ST3GAL3: variants seen among roughly 807,000 people sequenced by gnomAD.
ST3GAL3 encodes the protein ST3 beta-galactoside alpha-2,3-sialyltransferase 3.
In ST3GAL3, 21 loss-of-function variants were observed where a neutral mutation model predicts 50.1. The ratio of observed to expected loss-of-function variants is 0.42; its 90% confidence interval spans 0.30 to 0.60. The LOEUF is 0.60. Ranked by LOEUF, ST3GAL3 falls within the 20% of genes least tolerant of loss-of-function variation. ST3GAL3 has a pLI of 0.19. For synonymous variants in ST3GAL3, 183 were observed against 190.0 expected (o/e 0.96, Z 0.30); for missense variants, 353 against 489.4 (o/e 0.72, Z 2.63).
At chr1:43,788,407 C>G (rs1441837032) in intron 2 of ST3GAL3, among the ~76,000 whole-genome samples, 1 of 152,206 alleles carries the variant, frequency 6.6e-6, no homozygotes, top group Non-Finnish European at 1.5e-5. Flanking sequence ...CATTCCCAAT[C>G]TTCTTCAGGG....
At chr1:43,904,498 C>T (rs558522786) in intron 9 of ST3GAL3, among the ~76,000 whole-genome samples, 46 of 152,104 alleles carry the variant, frequency 3.0e-4, no homozygotes, top group African/African-American at 1.1e-3. Flanking sequence ...TGCCTCTTAT[C>T]CCTGGGAGGG....
intron 1 of ST3GAL3, among the ~76,000 whole-genome samples, chr1:43,713,171 T>C (rs1308021955): frequency 6.6e-6 from 1 of 152,188 alleles, no homozygotes; most frequent in East Asian, 1.9e-4. Context: ...GTGCAACATG[T>C]GAGCGGCATG....
intron 2 of ST3GAL3, 52 bp from the exon 3 acceptor site, chr1:43,792,050 C>A: frequency 6.2e-7 from 1 of 1,612,346 alleles, no homozygotes; most frequent in East Asian, 2.2e-5. Context: ...TGGGAGCTTG[C>A]TTTTTTATTA....
chr1:43,776,949 G>C (rs1247723796), intron 2 of ST3GAL3, among the ~76,000 whole-genome samples: 2 of 152,034 alleles, frequency 1.3e-5, no homozygotes, highest in Admixed American at 6.6e-5. Context: ...GAATGGTATG[G>C]TACCATGCTC....
intron 1 of ST3GAL3, among the ~76,000 whole-genome samples, chr1:43,723,108 C>A (rs1409427670): frequency 6.6e-6 from 1 of 151,434 alleles, no homozygotes; most frequent in East Asian, 1.9e-4. Flanking sequence ...TCTCTCTCTT[C>A]CCTCCTTTTT....
chr1:43,838,388 G>A (rs962034819), intron 5 of ST3GAL3, 77 bp downstream of exon 5: 2 of 1,313,568 alleles, frequency 1.5e-6, no homozygotes, highest in Non-Finnish European at 2.2e-6. Context: ...GCCTCTCACA[G>A]CCAGTCATGT....
chr1:43,811,243 T>A (rs1445320896), intron 3 of ST3GAL3, among the ~76,000 whole-genome samples: 1 of 152,186 alleles, frequency 6.6e-6, no homozygotes, highest in Non-Finnish European at 1.5e-5. Flanking sequence ...ATGCCCTGCC[T>A]GTCTTTCCTC....
chr1:43,731,417 C>G (rs1386151973), intron 1 of ST3GAL3, among the ~76,000 whole-genome samples: 1 of 134,306 alleles, frequency 7.4e-6, no homozygotes, highest in Non-Finnish European at 1.6e-5. Flanking sequence ...TGGAGTCTTG[C>G]TCTGTCACTC....
chr1:43,921,359 T>C (rs1444446541), intron 11 of ST3GAL3: 3 of 457,418 alleles, frequency 6.6e-6, no homozygotes, highest in African/African-American at 3.9e-5. Context: ...ATACCCCGAA[T>C]TGCTTCCCAA....
At chr1:43,832,976 TG>T (rs2063746448) in intron 4 of ST3GAL3, among the ~76,000 whole-genome samples, 1 of 152,220 alleles carries the variant, frequency 6.6e-6, no homozygotes, top group African/African-American at 2.4e-5. Context: ...GCTGCTGGGT[TG>T]TTAGGCAGTG....
intron 2 of ST3GAL3, among the ~76,000 whole-genome samples, chr1:43,782,947 G>T (rs1699835792): frequency 6.6e-6 from 1 of 152,088 alleles, no homozygotes; most frequent in African/African-American, 2.4e-5. Flanking sequence ...TTAATTACAG[G>T]ATGCTGCCCC....
intron 2 of ST3GAL3, among the ~76,000 whole-genome samples, chr1:43,758,510 C>T (rs1449180004): frequency 2.6e-5 from 4 of 152,060 alleles, no homozygotes; most frequent in Non-Finnish European, 5.9e-5. Flanking sequence ...TCCTTGCCTC[C>T]CAAAGTGTTG....
chr1:43,732,978 T>A (rs1213664882), intron 1 of ST3GAL3, among the ~76,000 whole-genome samples: 1 of 118,356 alleles, frequency 8.4e-6, no homozygotes, highest in Non-Finnish European at 1.8e-5. Flanking sequence ...TCATAAAAAA[T>A]ACTTTTTTTT....
intron 1 of ST3GAL3, among the ~76,000 whole-genome samples, chr1:43,725,361 G>A (rs936916933): frequency 2.6e-5 from 4 of 151,938 alleles, no homozygotes; most frequent in East Asian, 1.9e-4. Flanking sequence ...GCACCATCAC[G>A]CCCAGCTAAT....
intron 4 of ST3GAL3, among the ~76,000 whole-genome samples, chr1:43,829,097 T>TAA (rs372784349): frequency 2.9e-4 from 43 of 146,902 alleles, no homozygotes; most frequent in South Asian, 1.3e-3. Context: ...TGTAGTCTGT[T>TAA]AAAAAAAAAA....
At chr1:43,819,356 G>A (rs2154182341) in intron 4 of ST3GAL3, 2 of 152,336 alleles carry the variant, frequency 1.3e-5, no homozygotes, top group Admixed American at 1.3e-4. Context: ...GCCTCCCAAA[G>A]TGCTGGAATT....
chr1:43,850,524 A>T, intron 5 of ST3GAL3: 1 of 666,560 alleles, frequency 1.5e-6, no homozygotes, highest in Non-Finnish European at 2.8e-6. Context: ...AAGAGATGTC[A>T]GTGCTGGGTT....
chr1:43,884,544 A>G (rs77943606), intron 5 of ST3GAL3, among the ~76,000 whole-genome samples: 2,950 of 152,252 alleles, frequency 0.019, 46 homozygotes, highest in Non-Finnish European at 0.029. Context: ...TAGAACACCT[A>G]TCTCCCTACG....
chr1:43,851,048 G>A, intron 5 of ST3GAL3: 2 of 847,736 alleles, frequency 2.4e-6, no homozygotes, highest in Non-Finnish European at 4.1e-6. Context: ...CTGCTGATAT[G>A]TGCCATGTCC....
Sources: allele counts gnomAD v4.1 joint callset (sites outside exome capture counted in the v4.1 genomes callset), GRCh38; gene constraint gnomAD v4.1.1; transcripts MANE v1.5; gene names NCBI Gene and HGNC (gene_info 2026-07-23, HGNC 2026-07-21).